Variants in MSH6 observed in about 807,000 individuals in gnomAD.
The protein encoded by MSH6 is mutS homolog 6, also known as DNA mismatch repair protein Msh6.
MSH6 carries 85 observed loss-of-function variants against 119.1 expected under a neutral mutation model. The observed-to-expected ratio is 0.71, with a 90% CI of 0.60 to 0.85. The LOEUF (loss-of-function observed/expected upper bound fraction) is 0.85. Ranked by LOEUF, MSH6 falls within the 40% of genes least tolerant of loss-of-function variation. The probability of loss-of-function intolerance (pLI) is 0.00; values close to 1 mark genes in which losing one functional copy is unlikely to be tolerated. For synonymous variants in MSH6, 830 were observed against 586.9 expected (o/e 1.41, Z -5.99); for missense variants, 2,163 against 1,655.3 (o/e 1.31, Z -5.32).
intron 6 of MSH6, 106 bp downstream of exon 6, chr2:47,805,133 T>C: frequency 1.2e-6 from 1 of 814,954 alleles, no homozygotes; most frequent in Non-Finnish European, 2.1e-6. Context: ...TTGATTTTTC[T>C]GGTGTTACTT....
At chr2:47,807,155 A>C, downstream of MSH6, 1 of 326,394 alleles carries the variant, frequency 3.1e-6, no homozygotes, top group Non-Finnish European at 5.6e-6. Flanking sequence ...GGCTGTATAT[A>C]TACTTGTCTC....
In MSH6 at chr2:47,806,457, C is replaced by T. The variant is rs747924946; in HGVS notation, c.3807C>T (p.Cys1269=). 5 of 1,613,824 alleles carry T rather than the reference C, an allele frequency of 3.1e-6. No homozygotes were observed. The African/African-American group carries it at 5.3e-5, about 17-fold the overall frequency. Residue 1269 remains cysteine (C), a synonymous_variant, in exon 9 of 10, where the codon TGC becomes TGT. Transcript: ENST00000234420. Reference sequence around the variant, plus strand: ...TAATATTTTTCTTTCTTAAGGCATGCATGGTAGAAAATGAATGTGAAGACC... The same window carrying T: ...TAATATTTTTCTTTCTTAAGGCATGTATGGTAGAAAATGAATGTGAAGACC... The part of the protein sequence containing the change: ...NVAVRLGHMA[C]MVENECEDPS...
chr2:47,805,541 C>A, intron 6 of MSH6, 77 bp from the exon 7 acceptor site: 1 of 940,362 alleles, frequency 1.1e-6, no homozygotes, highest in Non-Finnish European at 1.8e-6. Context: ...CTCATGATAG[C>A]TATATAACCT....
At chr2:47,785,884 C>T (rs563212993) in intron 1 of MSH6, among the ~76,000 whole-genome samples, 1 of 152,268 alleles carries the variant, frequency 6.6e-6, no homozygotes, top group East Asian at 1.9e-4. Context: ...AAAAATAAAA[C>T]GTATACATTT....
At position 47,788,567 on chromosome 2, in the gene MSH6, T is replaced by C. The variant is rs183010847; in HGVS notation, c.261-2360T>C. 9.5e-4 allele frequency among the ~76,000 whole-genome samples: 137 copies of C among 144,086 alleles called. 1 individual carries two copies. The highest frequency in any genetic ancestry group is 3.3e-3 in the African/African-American group (129 of 38,664). 94.5% of individuals were successfully genotyped at this position (144,086 alleles called of 152,430 possible). On this transcript the variant is annotated intron_variant, in intron 1 of 9. Coordinates refer to ENST00000234420, the MANE Select transcript of MSH6 (RefSeq NM_000179.3). ...CGTGCCCAGCCTTTTTCTTTTTCTT[T>C]TTCTTTTTTTTTTTTTTTTTGAGAC...
rs1669325562 is a variant in MSH6 at position 47,799,355 on chromosome 2, C to T, written c.1372C>T (p.His458Tyr). ...GLVFMKGNWA[H>Y]SGFPEIAFGR... The stretch of plus-strand genomic sequence containing the variant: ...GGTATTCATGAAAGGCAACTGGGCC[C>T]ATTCTGGCTTTCCTGAAATTGCATT... The change falls in exon 4 of 10, where the codon CAT (histidine) becomes TAT (tyrosine). Residue 458 changes from histidine to tyrosine, a missense_variant. Coordinates refer to ENST00000234420, the MANE Select transcript of MSH6 (RefSeq NM_000179.3). 6.2e-7 allele frequency: 1 copy of T among 1,614,040 alleles called. No individual in the cohort carries two copies. The highest frequency in any genetic ancestry group is 8.5e-7 in the Non-Finnish European group (1 of 1,180,020).
chr2:47,784,234 C>T, intron 1 of MSH6: 2 of 1,001,532 alleles, frequency 2.0e-6, no homozygotes, highest in Non-Finnish European at 2.4e-6. Flanking sequence ...CGGCTGGGTC[C>T]TTCGGTAGGT....
intron 5 of MSH6, 137 bp downstream of exon 5, chr2:47,803,822 CTGTG>C: frequency 1.1e-6 from 1 of 899,994 alleles, no homozygotes; most frequent in Admixed American, 2.3e-5. Context: ...AAATTACTCC[CTGTG>C]TTATAAAATT....
At chr2:47,796,605 TTAAA>T (rs1669111143) in intron 3 of MSH6, among the ~76,000 whole-genome samples, 1 of 152,186 alleles carries the variant, frequency 6.6e-6, no homozygotes, top group Non-Finnish European at 1.5e-5. Flanking sequence ...AGAATAGATG[TTAAA>T]TAAACCTTGA....
At chr2:47,809,847 C>A (rs1670487562), downstream of MSH6, 3 of 571,832 alleles carry the variant, frequency 5.2e-6, no homozygotes, top group Non-Finnish European at 9.2e-6. Flanking sequence ...AATGTAGATA[C>A]CTATTTCAAC....
chr2:47,796,540 C>T (rs998844057), intron 3 of MSH6, among the ~76,000 whole-genome samples: 1 of 152,240 alleles, frequency 6.6e-6, no homozygotes, highest in Non-Finnish European at 1.5e-5. Flanking sequence ...CAGCACCCAG[C>T]CCCAGCTTTA....
chr2:47,785,495 G>A (rs906464280), intron 1 of MSH6, among the ~76,000 whole-genome samples: 1 of 152,170 alleles, frequency 6.6e-6, no homozygotes, highest in Admixed American at 6.5e-5. Flanking sequence ...TGGGATTACA[G>A]GTGTGAGCCA....
In MSH6 at chr2:47,806,636, C is replaced by T. The variant is rs199594809; in HGVS notation, c.3986C>T (p.Ser1329Leu). ...KAREFEKMNQ[S>L]LRLFREVCLA... The stretch of plus-strand genomic sequence containing the variant: ...AGAGAATTTGAGAAGATGAATCAGT[C>T]ACTACGATTATTTCGGTAACTAACT... The change falls in exon 9 of 10, where the codon TCA becomes TTA. Residue 1329 changes from serine (S) to leucine (L), a missense_variant. Coordinates refer to ENST00000234420, the MANE Select transcript of MSH6 (RefSeq NM_000179.3). 4.2e-5 allele frequency: 68 copies of T among 1,610,040 alleles called. No individual in the cohort carries two copies. Among genetic ancestry groups the T allele is most frequent in the Non-Finnish European group, 5.5e-5 (65 of 1,179,044 alleles).
rs763841886 is a variant in MSH6 at position 47,795,930 on chromosome 2, T to G, written c.494T>G (p.Phe165Cys). The G allele has an allele frequency of 3.1e-6, 5 of 1,614,188 alleles. No individual in the cohort carries two copies. The highest frequency in any genetic ancestry group is 4.2e-6 in the Non-Finnish European group (5 of 1,180,022). Residue 165 changes from phenylalanine to cysteine, a missense_variant, in exon 3 of 10, where the codon TTT (phenylalanine) becomes TGT (cysteine). Coordinates refer to ENST00000234420, the MANE Select transcript of MSH6 (RefSeq NM_000179.3). ...AAGGAAGCCCAGAAGGGAGGTCATT[T>G]TTACAGTGCAAAGCCTGAAATACTG... is the stretch of plus-strand genomic sequence containing the variant. Reference protein sequence around the residue: ...KSKEAQKGGHFYSAKPEILRA... With the variant: ...KSKEAQKGGHCYSAKPEILRA...
intron 1 of MSH6, among the ~76,000 whole-genome samples, chr2:47,788,946 T>TTTTTTTTTTTTTTTTTTTTTTTTTTTTTG (rs1553409740): frequency 1.7e-5 from 2 of 115,752 alleles, no homozygotes; most frequent in Non-Finnish European, 3.5e-5. Context: ...TTTTTTTTTT[T>TTTTTTTTTTTTTTTTTTTTTTTTTTTTTG]TGTGAGACGG....
chr2:47,790,705 C>T (rs1414586025), intron 1 of MSH6, among the ~76,000 whole-genome samples: 2 of 148,702 alleles, frequency 1.3e-5, no homozygotes, highest in African/African-American at 5.2e-5. Flanking sequence ...ACCCTAATAA[C>T]ATAACTATAT....
chr2:47,805,073 T>C (rs1572739342), intron 6 of MSH6, 46 bp downstream of exon 6: 1 of 1,278,396 alleles, frequency 7.8e-7, no homozygotes, highest in East Asian at 2.3e-5. Context: ...GTCATTTAGA[T>C]GTGATAAAAG....
intron 2 of MSH6, among the ~76,000 whole-genome samples, chr2:47,794,271 G>C (rs1263856382): frequency 2.6e-5 from 4 of 151,780 alleles, no homozygotes; most frequent in Non-Finnish European, 4.4e-5. Context: ...CCGGGAGTCA[G>C]TTTCTTTTTT....
chr2:47,790,283 G>A (rs1167198109), intron 1 of MSH6, among the ~76,000 whole-genome samples: 1 of 152,320 alleles, frequency 6.6e-6, no homozygotes, highest in African/African-American at 2.4e-5. Context: ...AATAAGCCAG[G>A]TGTGATGGCG....
Sources: allele counts gnomAD v4.1 joint callset (sites outside exome capture counted in the v4.1 genomes callset), GRCh38; gene constraint gnomAD v4.1.1; transcripts MANE v1.5; gene names NCBI Gene and HGNC (gene_info 2026-07-23, HGNC 2026-07-21).